Variants in FMN1 observed in about 807,000 individuals in gnomAD.
FMN1 encodes the protein formin 1.
FMN1 carries 110 observed loss-of-function variants against 132.4 expected under a neutral mutation model. The observed-to-expected ratio is 0.83, with a 90% confidence interval of 0.71 to 0.97. FMN1 has a LOEUF of 0.97. FMN1 is among the 50% of genes least tolerant of loss of function. FMN1 has a pLI of 0.00. For synonymous variants in FMN1, 722 were observed against 651.7 expected, an observed-to-expected ratio of 1.11 and a Z score of -1.64; for missense variants, 1,792 against 1,705.3, an observed-to-expected ratio of 1.05 and a Z score of -0.90.
intron 10 of FMN1, among the ~76,000 whole-genome samples, chr15:32,920,449 G>A (rs1016191495): frequency 6.6e-5 from 10 of 152,136 alleles, no homozygotes; most frequent in African/African-American, 2.2e-4. Flanking sequence ...TTTCACTTCA[G>A]CCAGCATATG....
chr15:33,066,755 T>TG (rs2037747817), intron 5 of FMN1: 2 of 1,613,972 alleles, frequency 1.2e-6, no homozygotes, highest in Non-Finnish European at 1.7e-6. Flanking sequence ...CTGGCTCTCT[T>TG]GGTCAGCATT....
At chr15:32,962,456 C>CA (rs2030682263) in intron 9 of FMN1, among the ~76,000 whole-genome samples, 3 of 151,766 alleles carry the variant, frequency 2.0e-5, no homozygotes, top group African/African-American at 7.3e-5. Flanking sequence ...TCTAAAACAC[C>CA]AAAAGCAATG....
At chr15:33,125,469 G>T (rs899609935) in intron 4 of FMN1, among the ~76,000 whole-genome samples, 3 of 151,996 alleles carry the variant, frequency 2.0e-5, no homozygotes, top group African/African-American at 7.3e-5. Flanking sequence ...AATATCTAAT[G>T]GGGTTATACA....
intron 7 of FMN1, among the ~76,000 whole-genome samples, chr15:32,985,292 T>C (rs1046440334): frequency 1.3e-5 from 2 of 152,164 alleles, no homozygotes; most frequent in Non-Finnish European, 2.9e-5. Flanking sequence ...GATTCTCTGA[T>C]AGTACAAATT....
chr15:33,108,978 T>C (rs909367952), intron 4 of FMN1, among the ~76,000 whole-genome samples: 1 of 152,072 alleles, frequency 6.6e-6, no homozygotes, highest in Non-Finnish European at 1.5e-5. Context: ...GAAGGAGTTA[T>C]CCAGTCTAAT....
At chr15:33,122,860 A>C (rs1202701319) in intron 4 of FMN1, among the ~76,000 whole-genome samples, 1 of 152,210 alleles carries the variant, frequency 6.6e-6, no homozygotes, top group Non-Finnish European at 1.5e-5. Flanking sequence ...AGATTGACAT[A>C]GTATAGGCTA....
intron 3 of FMN1, among the ~76,000 whole-genome samples, chr15:33,176,638 T>G (rs1440896442): frequency 1.3e-5 from 2 of 152,124 alleles, no homozygotes; most frequent in African/African-American, 2.4e-5. Flanking sequence ...TCCTTTCTTC[T>G]CACTTGTAAT....
chr15:32,856,188 C>T (rs1346442768), intron 17 of FMN1, among the ~76,000 whole-genome samples: 2 of 152,116 alleles, frequency 1.3e-5, no homozygotes, highest in Admixed American at 6.5e-5. Context: ...TAACAAGTGG[C>T]CTTACTCAGT....
chr15:33,005,586 C>A (rs976699589), intron 7 of FMN1, among the ~76,000 whole-genome samples: 15 of 152,116 alleles, frequency 9.9e-5, no homozygotes, highest in African/African-American at 3.6e-4. Context: ...GTGCTTAGAA[C>A]AATACCTAGC....
chr15:32,968,395 A>G (rs1205662246), intron 8 of FMN1, among the ~76,000 whole-genome samples: 1 of 152,192 alleles, frequency 6.6e-6, no homozygotes, highest in Non-Finnish European at 1.5e-5. Context: ...ATGATTACTA[A>G]TCAATTGTAG....
At chr15:33,163,843 C>A (rs1409538936) in intron 3 of FMN1, among the ~76,000 whole-genome samples, 2 of 152,018 alleles carry the variant, frequency 1.3e-5, no homozygotes, top group Non-Finnish European at 2.9e-5. Context: ...GTCTCGAACT[C>A]CTGACCTCAG....
chr15:32,814,651 G>T (rs1002628880), intron 17 of FMN1, among the ~76,000 whole-genome samples: 1 of 152,198 alleles, frequency 6.6e-6, no homozygotes, highest in African/African-American at 2.4e-5. Context: ...TAACCATTTG[G>T]TGATAAATTG....
chr15:33,165,534 G>T (rs1019483844), intron 3 of FMN1, among the ~76,000 whole-genome samples: 2 of 152,160 alleles, frequency 1.3e-5, no homozygotes, highest in Non-Finnish European at 2.9e-5. Context: ...GGGAATACAG[G>T]CGCCCGCCAC....
At chr15:33,149,724 G>C in intron 4 of FMN1, 1 of 898,908 alleles carries the variant, frequency 1.1e-6, no homozygotes, top group Non-Finnish European at 1.3e-6. Flanking sequence ...AATTTTCTTT[G>C]TACTACATAC....
At chr15:33,067,382 G>T in intron 5 of FMN1, 2 of 1,613,980 alleles carry the variant, frequency 1.2e-6, no homozygotes, top group Non-Finnish European at 1.7e-6. Flanking sequence ...ACCACTAGGG[G>T]ACTTTGGGCC....
At chr15:32,917,272 T>G (rs908806874) in intron 10 of FMN1, among the ~76,000 whole-genome samples, 7 of 152,024 alleles carry the variant, frequency 4.6e-5, no homozygotes, top group Non-Finnish European at 1.0e-4. Flanking sequence ...TGGTCATAGT[T>G]CTCCTACAAC....
intron 7 of FMN1, among the ~76,000 whole-genome samples, chr15:32,980,484 TA>T (rs776659254): frequency 6.6e-6 from 1 of 152,194 alleles, no homozygotes; most frequent in Non-Finnish European, 1.5e-5. Context: ...TTTCACACTA[TA>T]TTAAAAGAAC....
intron 17 of FMN1, among the ~76,000 whole-genome samples, chr15:32,831,874 GC>G (rs1390419315): frequency 1.3e-5 from 2 of 151,840 alleles, no homozygotes; most frequent in African/African-American, 4.8e-5. Flanking sequence ...AAAGTTCAAT[GC>G]TCTCCAAAGT....
At chr15:32,979,474 T>C (rs1431990215) in intron 7 of FMN1, among the ~76,000 whole-genome samples, 2 of 144,458 alleles carry the variant, frequency 1.4e-5, no homozygotes, top group Non-Finnish European at 3.0e-5. Flanking sequence ...GATAACAGCG[T>C]GAACCCGGGA....
Sources: gnomAD v4.1 joint callset for allele counts (sites outside exome capture counted in the v4.1 genomes callset) on GRCh38, gnomAD v4.1.1 for gene constraint, MANE v1.5 for transcripts, NCBI Gene and HGNC (gene_info 2026-07-23, HGNC 2026-07-21) for gene names.